Variants in COL7A1 observed in about 807,000 individuals in gnomAD.
COL7A1 encodes collagen type VII alpha 1 chain, also known as collagen alpha-1(VII) chain.
COL7A1 carries 296 observed loss-of-function variants against 456.2 expected under a neutral mutation model. The ratio of observed to expected loss-of-function variants is 0.65; its 90% CI spans 0.59 to 0.71. The LOEUF is 0.71. Ranked by LOEUF, COL7A1 falls within the 30% of genes least tolerant of loss-of-function variation. COL7A1 has a pLI of 0.00. For synonymous variants in COL7A1, 1,464 were observed against 1,525.9 expected (o/e 0.96, Z 0.95); for missense variants, 3,441 against 4,017.2 (o/e 0.86, Z 3.88).
In COL7A1 at chr3:48,579,642, C is replaced by T. The variant is rs1359479622; in HGVS notation, c.5181G>A (p.Glu1727=). The change falls in exon 59 of 119, where the codon GAG becomes GAA. Residue 1727 remains glutamate (E), a synonymous_variant. Transcript: ENST00000681320. This position sits in a 1 kb window ranked among gnomAD's most constrained non-coding sequence, Gnocchi z 4.4. ...EKGEPGDRGQ[E]GPRGPKGDPG... ...GATCACCCTTGGGCCCTCGAGGACCCTCTTGTCCGCGGTCCCCAGGCTCTC... is the reference window on the plus strand; with the variant it reads ...GATCACCCTTGGGCCCTCGAGGACCTTCTTGTCCGCGGTCCCCAGGCTCTC... 4 of 1,613,652 alleles carry T rather than the reference C, an allele frequency of 2.5e-6. No individual in the cohort carries two copies. The Admixed American group carries it at 5.0e-5, about 20-fold the overall frequency.
Position 48,571,107 on chromosome 3 carries a change from A to T in COL7A1, c.7158T>A (p.Gly2386=), listed in dbSNP as rs2043889509. The change falls in exon 94 of 119, where the codon GGT becomes GGA. Residue 2386 remains glycine, a synonymous_variant. Coordinates refer to ENST00000681320, the MANE Select transcript of COL7A1 (RefSeq NM_000094.4). This position sits in a 1 kb window ranked among gnomAD's most constrained non-coding sequence, Gnocchi z 4.6. ...TGATGGGGCATTGACTTACCTTCAC[A>T]CCTGGAGGGCCAGGAGGCCCAGGGG... is the stretch of plus-strand genomic sequence containing the variant. ...PGSPGPPGPP[G]VKGDLGLPGL... 1 of 1,613,360 alleles carries T rather than the reference A, an allele frequency of 6.2e-7. No individual in the cohort carries two copies. The highest frequency in any genetic ancestry group is 8.5e-7 in the Non-Finnish European group (1 of 1,179,892).
At position 48,575,873 on chromosome 3, in the gene COL7A1, G is replaced by T. The variant is rs767379643; in HGVS notation, c.5850C>A (p.Gly1950=). The T allele has an allele frequency of 3.7e-6, 6 of 1,614,020 alleles. No homozygotes were observed. The East Asian group carries it at 6.7e-5, about 18-fold the overall frequency. Residue 1950 remains glycine, a synonymous_variant, in exon 72 of 119, where the codon GGC becomes GGA. Transcript: ENST00000681320. The surrounding 1 kb of genome is among the most constrained non-coding windows in gnomAD (Gnocchi z 6.3). ...PNVDRLLETA[G]IKASALREIV... ...CAGCCCCTAAACAACCCACCTTGATGCCAGCAGTTTCCAGCAACCGATCCA... is the reference window on the plus strand; with the variant it reads ...CAGCCCCTAAACAACCCACCTTGATTCCAGCAGTTTCCAGCAACCGATCCA...
In COL7A1 at chr3:48,590,128, G is replaced by C; in HGVS notation, c.2050+85C>G. 1.3e-6 allele frequency: 2 copies of C among 1,492,926 alleles called. No individual in the cohort carries two copies. The highest frequency in any genetic ancestry group is 2.7e-5 in the African/African-American group (2 of 72,834). 92.5% of individuals were successfully genotyped at this position (1,492,926 alleles called of 1,614,324 possible). A position where few individuals can be genotyped will look rare whatever the true frequency, so the allele number is the denominator to read the frequency against. The stretch of plus-strand genomic sequence containing the variant: ...TGAAGGGGGAGGCAGGAGTTCTGGG[G>C]AGAAGCAAGGGTCTGCAAGGGAAGG... On this transcript the variant is annotated intron_variant, in intron 16 of 118. Transcript: ENST00000681320. This position sits in a 1 kb window ranked among gnomAD's most constrained non-coding sequence, Gnocchi z 4.6.
Position 48,583,777 on chromosome 3 carries a change from G to T in COL7A1, c.4282C>A (p.Leu1428Ile), listed in dbSNP as rs770956294. 8 of 1,613,748 alleles carry T rather than the reference G, an allele frequency of 5.0e-6. No individual in the cohort carries two copies. Among genetic ancestry groups the T allele is most frequent in the East Asian group, 2.2e-5 (1 of 44,882 alleles). Residue 1428 changes from leucine to isoleucine, a missense_variant, in exon 40 of 119, where the codon CTT becomes ATT. By Grantham distance (5) the Leu-to-Ile change is conservative (BLOSUM62 2). Transcript: ENST00000681320. This position sits in a 1 kb window ranked among gnomAD's most constrained non-coding sequence, Gnocchi z 5.1. ...IAPGEPGLPG[L>I]PGSPGPQGPV... The stretch of plus-strand genomic sequence containing the variant: ...CCTTGGGGTCCAGGGCTTCCGGGAA[G>T]ACCCTAGGAAGAAGTGAGTAAAAAT...
Position 48,565,648 on chromosome 3 carries a change from C to T in COL7A1, c.8428G>A (p.Ala2810Thr), listed in dbSNP as rs143995717. The T allele has an allele frequency of 9.1e-5, 147 of 1,613,750 alleles. No homozygotes were observed. Among genetic ancestry groups the T allele is most frequent in the Non-Finnish European group, 1.2e-4 (140 of 1,179,918 alleles). The change falls in exon 115 of 119, where the codon GCA becomes ACA. Residue 2810 changes from alanine (A) to threonine (T), a missense_variant. Physicochemically the swap from Ala to Thr is moderately conservative, Grantham distance 58. Transcript: ENST00000681320. This position sits in a 1 kb window ranked among gnomAD's most constrained non-coding sequence, Gnocchi z 4.5. The stretch of plus-strand genomic sequence containing the variant: ...GAAAACTACTCACGTGATCCAGATG[C>T]GATGAACTGGCCCTGGCAGGCTAGA... ...QHCACQGQFI[A>T]SGSRPLPSYA...
At position 48,579,500 on chromosome 3, in the gene COL7A1, G is replaced by A. The variant is rs201117625; in HGVS notation, c.5251C>T (p.Arg1751Trp). The A allele has an allele frequency of 8.1e-6, 13 of 1,613,896 alleles. No individual in the cohort carries two copies. The highest frequency in any genetic ancestry group is 1.1e-5 in the South Asian group (1 of 91,086). ...CTCACCTGTGGGCCTGGGGGTCCCC[G>A]AAACCCTTCAATGCCCTGAGGATAG... ...APGERGIEGF[R>W]GPPGPQGDPG... is the part of the protein sequence containing the mutation. The change falls in exon 60 of 119, where the codon CGG becomes TGG. Residue 1751 changes from arginine (R) to tryptophan (W), a missense_variant. Physicochemically the swap from Arg to Trp is moderately radical, Grantham distance 101. Around this residue, in one of 3 missense-constraint regions of COL7A1, gnomAD observed 2,084 missense variants for 2,501.3 expected, o/e 0.83. Transcript: ENST00000681320. This position sits in a 1 kb window ranked among gnomAD's most constrained non-coding sequence, Gnocchi z 4.4.
In COL7A1 at chr3:48,578,164, CA is replaced by C. The variant is rs1166529663; in HGVS notation, c.5532+156del. Among the ~76,000 whole-genome samples, 618 of 141,594 alleles carry C rather than the reference CA, an allele frequency of 4.4e-3. 2 individuals carry two copies. The highest frequency in any genetic ancestry group is 0.014 in the African/African-American group (524 of 38,626). 92.9% of individuals were successfully genotyped at this position (141,594 alleles called of 152,430 possible). A position where few individuals can be genotyped will look rare whatever the true frequency, so the allele number is the denominator to read the frequency against. ...GGGCAACAAGAGCGAAACTCCATCTCAAAAAAAAAAAAACTATGTTTCTGGA... is the reference window on the plus strand; with the variant it reads ...GGGCAACAAGAGCGAAACTCCATCTCAAAAAAAAAAAACTATGTTTCTGGA... On this transcript the variant is annotated intron_variant, in intron 65 of 118. Transcript: ENST00000681320. The surrounding 1 kb of genome is among the most constrained non-coding windows in gnomAD (Gnocchi z 4.7).
At position 48,589,484 on chromosome 3, in the gene COL7A1, T is replaced by A. The variant is rs757016772; in HGVS notation, c.2171-14A>T. ...ATTTCTCTGGGCCTGGGAACAGGGATGGAGGCAGCTCCAGGGCTAGCAAAC... is the reference window on the plus strand; with the variant it reads ...ATTTCTCTGGGCCTGGGAACAGGGAAGGAGGCAGCTCCAGGGCTAGCAAAC... On this transcript the variant is annotated splice_polypyrimidine_tract_variant and intron_variant, in intron 17 of 118. Coordinates refer to ENST00000681320, the MANE Select transcript of COL7A1 (RefSeq NM_000094.4). 1 of 1,613,480 alleles carries A rather than the reference T, an allele frequency of 6.2e-7. No homozygotes were observed. Among genetic ancestry groups the A allele is most frequent in the Non-Finnish European group, 8.5e-7 (1 of 1,180,016 alleles).
Position 48,573,398 on chromosome 3 carries a change from C to T in COL7A1, c.6619-50G>A. ...GAGCAGAGCCCACGTGGCCAGGGCTCCTGGAGCTCATCCTCATTGCAGGAG... is the reference window on the plus strand; with the variant it reads ...GAGCAGAGCCCACGTGGCCAGGGCTTCTGGAGCTCATCCTCATTGCAGGAG... On this transcript the variant is annotated intron_variant, in intron 83 of 118. Transcript: ENST00000681320. This position sits in a 1 kb window ranked among gnomAD's most constrained non-coding sequence, Gnocchi z 5.5. 1 of 1,614,034 alleles carries T rather than the reference C, an allele frequency of 6.2e-7. No homozygotes were observed. Among genetic ancestry groups the T allele is most frequent in the Middle Eastern group, 1.6e-4 (1 of 6,062 alleles).
Position 48,570,019 on chromosome 3 carries a change from G to C in COL7A1, c.7486-104C>G, listed in dbSNP as rs1575423772. ...CAGTGGGGACCAGACAAAGGGGACAGGGGTAGACGAGGAGGGCCAGAGGGC... is the reference window on the plus strand; with the variant it reads ...CAGTGGGGACCAGACAAAGGGGACACGGGTAGACGAGGAGGGCCAGAGGGC... On this transcript the variant is annotated intron_variant, in intron 99 of 118. Transcript: ENST00000681320. The surrounding 1 kb of genome is among the most constrained non-coding windows in gnomAD (Gnocchi z 5.5). The C allele has an allele frequency of 6.3e-7, 1 of 1,595,702 alleles. No individual in the cohort carries two copies. The highest frequency in any genetic ancestry group is 2.2e-5 in the East Asian group (1 of 44,688).
chr3:48,577,803 A>G (rs1019051711), intron 65 of COL7A1, among the ~76,000 whole-genome samples: 12 of 152,156 alleles, frequency 7.9e-5, no homozygotes, highest in African/African-American at 2.7e-4. Context: ...GTGTCAGCCC[A>G]TCCTGGCATA....
At chr3:48,576,033 G>T in intron 71 of COL7A1, 131 bp from the exon 72 acceptor site, 2 of 1,487,398 alleles carry the variant, frequency 1.3e-6, no homozygotes, top group Non-Finnish European at 1.9e-6. Flanking sequence ...TTTAGCACTT[G>T]GTTGAGGCAT....
intron 16 of COL7A1, 120 bp from the exon 17 acceptor site, chr3:48,589,838 T>G: frequency 7.2e-7 from 1 of 1,396,344 alleles, no homozygotes; most frequent in Non-Finnish European, 1.0e-6. Flanking sequence ...AGATGGTGAA[T>G]AGGTCCAGTG....
intron 47 of COL7A1, 138 bp downstream of exon 47, chr3:48,582,185 T>G: frequency 6.6e-7 from 1 of 1,509,348 alleles, no homozygotes; most frequent in Non-Finnish European, 9.2e-7. Context: ...GGGCAGGTTC[T>G]AGCAGAAGGA....
chr3:48,573,518 G>C lies in COL7A1; in HGVS notation c.6613C>G (p.Leu2205Val). The C allele has an allele frequency of 6.2e-7, 1 of 1,614,108 alleles. No individual in the cohort carries two copies. Among genetic ancestry groups the C allele is most frequent in the South Asian group, 1.1e-5 (1 of 91,086 alleles). Residue 2205 changes from leucine (L) to valine (V), a missense_variant, in exon 83 of 119, where the codon CTG (leucine) becomes GTG (valine). Around this residue, in one of 3 missense-constraint regions of COL7A1, gnomAD observed 2,084 missense variants for 2,501.3 expected, o/e 0.83. Transcript: ENST00000681320. This position sits in a 1 kb window ranked among gnomAD's most constrained non-coding sequence, Gnocchi z 5.5. ...GPAGPQGPSGLKGEPGETGPP... is the reference protein window; with the variant it reads ...GPAGPQGPSGVKGEPGETGPP... ...ATCCACACACCTAGACTCACCTTCA[G>C]GCCAGAAGGTCCTTGGGGTCCTGCA...
At chr3:48,577,480 G>A (rs974741644) in intron 65 of COL7A1, among the ~76,000 whole-genome samples, 52 of 152,324 alleles carry the variant, frequency 3.4e-4, no homozygotes, top group African/African-American at 1.1e-3. Flanking sequence ...ATGTGTCTTG[G>A]CATCTGTCTG....
rs2045654997 is a variant in COL7A1, at chr3:48,590,957, A to G, written c.1637-141T>C. On this transcript the variant is annotated intron_variant, in intron 13 of 118. Coordinates refer to ENST00000681320, the MANE Select transcript of COL7A1 (RefSeq NM_000094.4). The surrounding 1 kb of genome is among the most constrained non-coding windows in gnomAD (Gnocchi z 4.6). Reference sequence around the variant, plus strand: ...GTGGTGGGGACCAGAGAGCTGGGATATGGCTGAAAAAAGTGAGTGCAAGAC... The same window carrying G: ...GTGGTGGGGACCAGAGAGCTGGGATGTGGCTGAAAAAAGTGAGTGCAAGAC... 2 of 948,992 alleles carry G rather than the reference A, an allele frequency of 2.1e-6. No homozygotes were observed. Among genetic ancestry groups the G allele is most frequent in the Admixed American group, 2.0e-5 (1 of 50,334 alleles). The allele number at this position is 948,992 out of a possible 1,614,324, so 58.8% of individuals were successfully genotyped here.
chr3:48,586,613 A>C lies in COL7A1; in HGVS notation c.3353T>G (p.Leu1118Trp), dbSNP rs754311367. The change falls in exon 26 of 119, where the codon TTG becomes TGG. Residue 1118 changes from leucine to tryptophan, a missense_variant. By Grantham distance (61) the Leu-to-Trp change is moderately conservative (BLOSUM62 -2). Around this residue, in one of 3 missense-constraint regions of COL7A1, gnomAD observed 444 missense variants for 427.6 expected, o/e 1.04. Transcript: ENST00000681320. The surrounding 1 kb of genome is among the most constrained non-coding windows in gnomAD (Gnocchi z 5.1). ...GTAGGGCATGTCACGGATCCTTTGC[A>C]AGATAATGCCAAGGTCATGGGAGCC... ...LNGSHDLGII[L>W]QRIRDMPYMD... 8.1e-6 allele frequency: 13 copies of C among 1,613,714 alleles called. No homozygotes were observed. In the Admixed American group the frequency reaches 1.5e-4, roughly 19 times the overall value.
rs770592451 is a variant in COL7A1, at chr3:48,579,335, G to A, written c.5307+34C>T. The A allele has an allele frequency of 5.0e-6, 8 of 1,614,046 alleles. No homozygotes were observed. Among genetic ancestry groups the A allele is most frequent in the Non-Finnish European group, 6.8e-6 (8 of 1,180,038 alleles). On this transcript the variant is annotated intron_variant, in intron 61 of 118. Coordinates refer to ENST00000681320, the MANE Select transcript of COL7A1 (RefSeq NM_000094.4). This position sits in a 1 kb window ranked among gnomAD's most constrained non-coding sequence, Gnocchi z 4.4. ...GGCTGAGGTGGATCTGATAACCCAG[G>A]CTCATGTCCTGAGAAACCCCCACAC...
Sources: gnomAD v4.1 joint callset for allele counts (sites outside exome capture counted in the v4.1 genomes callset) on GRCh38, gnomAD v4.1.1 for gene constraint, gnomAD v4.1.1 regional missense constraint, Gnocchi (gnomAD v3.1) non-coding constraint, MANE v1.5 for transcripts, NCBI Gene and HGNC (gene_info 2026-07-23, HGNC 2026-07-21) for gene names.